PFKP: variants seen among roughly 807,000 people sequenced by gnomAD.
The protein encoded by PFKP is ATP-dependent 6-phosphofructokinase, platelet type.
PFKP carries 101 observed loss-of-function variants against 94.3 expected under a neutral mutation model. The ratio of observed to expected loss-of-function variants is 1.07; its 90% CI spans 0.91 to 1.26. The LOEUF is 1.26. Among genes scored for constraint, PFKP ranks in the 50% most tolerant of loss-of-function variants. The probability of loss-of-function intolerance (pLI) is 0.00; values close to 1 mark genes in which losing one functional copy is unlikely to be tolerated. For synonymous variants in PFKP, 573 were observed against 432.6 expected (o/e 1.32, Z -4.03); for missense variants, 1,145 against 1,103.3 (o/e 1.04, Z -0.53).
At chr10:3,123,286 G>A (rs1253052873) in intron 16 of PFKP, among the ~76,000 whole-genome samples, 4 of 152,210 alleles carry the variant, frequency 2.6e-5, no homozygotes, top group Non-Finnish European at 5.9e-5. Context: ...CCACGCTGCC[G>A]TCAGCTGCCG....
rs974250696 is a variant in PFKP, at chr10:3,096,298, C to T, written c.187-2977C>T. On this transcript the variant is annotated intron_variant, in intron 2 of 21. Transcript: ENST00000381125. Reference sequence around the variant, plus strand: ...GGTTGACTCCTGGGCCTGAGACGGCCTCAGGATGCTGCAGCGGCCTTGGCA... The same window carrying T: ...GGTTGACTCCTGGGCCTGAGACGGCTTCAGGATGCTGCAGCGGCCTTGGCA... 4.6e-5 allele frequency among the ~76,000 whole-genome samples: 7 copies of T among 152,168 alleles called. No homozygotes were observed. The East Asian group carries it at 1.3e-3, about 29-fold the overall frequency.
At chr10:3,090,046 A>G (rs575167585) in intron 2 of PFKP, among the ~76,000 whole-genome samples, 1 of 152,300 alleles carries the variant, frequency 6.6e-6, no homozygotes, top group South Asian at 2.1e-4. Context: ...TGCCTGTTCC[A>G]TCCATGTTGC....
intron 7 of PFKP, among the ~76,000 whole-genome samples, chr10:3,106,063 C>CAT (rs1835517385): frequency 6.6e-6 from 1 of 152,204 alleles, no homozygotes; most frequent in Non-Finnish European, 1.5e-5. Flanking sequence ...CCGCTCACGC[C>CAT]GTTTTCTCTC....
chr10:3,087,484 A>G (rs1170628288), intron 2 of PFKP, among the ~76,000 whole-genome samples: 1 of 152,174 alleles, frequency 6.6e-6, no homozygotes, highest in Non-Finnish European at 1.5e-5. Context: ...AGGGAAATTC[A>G]CGGAATTTCT....
chr10:3,108,677 T>G (rs762175472), intron 8 of PFKP, 24 bp from the exon 9 acceptor site: 10 of 1,592,876 alleles, frequency 6.3e-6, no homozygotes, highest in Non-Finnish European at 8.6e-6. Flanking sequence ...CAGTTCCGCA[T>G]CCTAACGAGA....
intron 1 of PFKP, among the ~76,000 whole-genome samples, chr10:3,077,249 C>CTTTTTTTTTTTTT (rs35306351): frequency 2.8e-5 from 3 of 108,216 alleles, no homozygotes; most frequent in Non-Finnish European, 5.5e-5. Context: ...CTATTCTTTA[C>CTTTTTTTTTTTTT]TTTTTTTTTT....
Position 3,114,918 on chromosome 10 carries a change from G to A in PFKP, c.1371+1400G>A, listed in dbSNP as rs539372799. ...CTAAAGGGACCCGCTGCTGTTCACT[G>A]AGGCAGGAGGCAGGGCTCCCAGCCG... On this transcript the variant is annotated intron_variant, in intron 13 of 21. Coordinates refer to ENST00000381125, the MANE Select transcript of PFKP (RefSeq NM_002627.5). Among the ~76,000 whole-genome samples, 16 of 152,300 alleles carry A rather than the reference G, an allele frequency of 1.1e-4. No individual in the cohort carries two copies. In the South Asian group the frequency reaches 2.5e-3, roughly 24 times the overall value.
At chr10:3,116,101 G>GC (rs1554773392) in intron 13 of PFKP, among the ~76,000 whole-genome samples, 2 of 151,040 alleles carry the variant, frequency 1.3e-5, no homozygotes, top group Admixed American at 1.3e-4. Context: ...ATTTATGTGG[G>GC]AAAAAAAAGC....
intron 2 of PFKP, among the ~76,000 whole-genome samples, chr10:3,089,403 A>G (rs1432552204): frequency 1.3e-5 from 2 of 151,160 alleles, no homozygotes; most frequent in Non-Finnish European, 2.9e-5. Flanking sequence ...TGTGATGGGG[A>G]GTGAATGTAG....
intron 10 of PFKP, 147 bp from the exon 11 acceptor site, chr10:3,112,075 G>A (rs2306299): frequency 0.33 from 226,183 of 680,030 alleles, 39,794 homozygotes; most frequent in Non-Finnish European, 0.38. Flanking sequence ...GCGGCCGGTC[G>A]TCTAGACCAT....
chr10:3,072,805 TAGAA>T (rs1832299880), intron 1 of PFKP, among the ~76,000 whole-genome samples: 3 of 151,928 alleles, frequency 2.0e-5, no homozygotes, highest in Admixed American at 2.0e-4. Context: ...CAATTAAAAT[TAGAA>T]AGGTGAAGAT....
At chr10:3,107,581 G>A (rs996255227) in intron 8 of PFKP, among the ~76,000 whole-genome samples, 8 of 152,354 alleles carry the variant, frequency 5.3e-5, no homozygotes, top group Admixed American at 2.0e-4. Flanking sequence ...GTGGCCACGC[G>A]TGTTCTTTGG....
At chr10:3,099,011 G>A (rs781224059) in intron 2 of PFKP, among the ~76,000 whole-genome samples, 7 of 152,138 alleles carry the variant, frequency 4.6e-5, no homozygotes, top group African/African-American at 7.2e-5. Context: ...CTCGGGAAAC[G>A]CTGGGCCATA....
At chr10:3,107,131 G>C in intron 7 of PFKP, 83 bp from the exon 8 acceptor site, 1 of 853,432 alleles carries the variant, frequency 1.2e-6, no homozygotes, top group East Asian at 2.5e-5. Flanking sequence ...AGTTCAGTTT[G>C]AGACAGACTT....
At chr10:3,116,976 C>A in intron 14 of PFKP, 130 bp downstream of exon 14, 2 of 747,756 alleles carry the variant, frequency 2.7e-6, no homozygotes, top group Non-Finnish European at 2.4e-6. Context: ...GGGGTGCAGG[C>A]AGTTACCGGT....
intron 7 of PFKP, among the ~76,000 whole-genome samples, chr10:3,106,215 C>A (rs997535610): frequency 5.3e-5 from 8 of 150,794 alleles, no homozygotes; most frequent in Admixed American, 2.0e-4. Flanking sequence ...GAAAGCATGG[C>A]GTGCACGGGG....
intron 1 of PFKP, among the ~76,000 whole-genome samples, 180 bp downstream of exon 1, chr10:3,067,887 G>C (rs956925464): frequency 6.6e-6 from 1 of 151,692 alleles, no homozygotes; most frequent in African/African-American, 2.4e-5. Context: ...GGGAGAACCG[G>C]GAAGAAGCCC....
chr10:3,068,561 ATGTGGAAGC>A (rs1335432183), intron 1 of PFKP: 1 of 533,356 alleles, frequency 1.9e-6, no homozygotes, highest in Non-Finnish European at 2.4e-6. Flanking sequence ...CTGCCCTGCA[ATGTGGAAGC>A]TGCTCTCTAG....
chr10:3,123,597 G>A (rs1176020249), intron 16 of PFKP, among the ~76,000 whole-genome samples: 3 of 152,174 alleles, frequency 2.0e-5, no homozygotes, highest in African/African-American at 2.4e-5. Flanking sequence ...TCCAGCGAGC[G>A]CTTCTCGGAG....
Sources: allele counts gnomAD v4.1 joint callset (sites outside exome capture counted in the v4.1 genomes callset), GRCh38; gene constraint gnomAD v4.1.1; transcripts MANE v1.5; gene names NCBI Gene and HGNC (gene_info 2026-07-23, HGNC 2026-07-21).